TTC34: variants seen among roughly 807,000 people sequenced by gnomAD.
TTC34 encodes tetratricopeptide repeat protein 34.
A neutral mutation model predicts 40.7 loss-of-function variants in TTC34; 44 were observed. The observed-to-expected ratio is 1.08, with a 90% CI of 0.85 to 1.39. The LOEUF (loss-of-function observed/expected upper bound fraction) is 1.39, where lower values mean the gene tolerates loss of function less well. Among genes scored for constraint, TTC34 ranks in the 40% most tolerant of loss-of-function variants. The pLI is 0.00. For synonymous variants in TTC34, 422 were observed against 398.6 expected (o/e 1.06, Z -0.70); for missense variants, 884 against 838.0 (o/e 1.05, Z -0.68).
At chr1:2,788,177 C>A (rs1474821064) in intron 3 of TTC34, among the ~76,000 whole-genome samples, 1 of 152,166 alleles carries the variant, frequency 6.6e-6, no homozygotes, top group Non-Finnish European at 1.5e-5. Flanking sequence ...AATATAAATG[C>A]CATCACATAA....
chr1:2,641,619 C>G, exon 9 of TTC34: 1 of 1,534,352 alleles, frequency 6.5e-7, no homozygotes, highest in Non-Finnish European at 8.7e-7. Flanking sequence ...AAGGCCCCTG[C>G]GGCCGCCGCC....
At chr1:2,750,653 T>A (rs1432995924) in intron 6 of TTC34, among the ~76,000 whole-genome samples, 306 of 79,778 alleles carry the variant, frequency 3.8e-3, no homozygotes, top group Admixed American at 9.9e-3. Context: ...CACCCCCAGG[T>A]GAGCATCTGA....
At chr1:2,757,059 A>AC (rs1641530948) in intron 6 of TTC34, among the ~76,000 whole-genome samples, 1 of 55,936 alleles carries the variant, frequency 1.8e-5, no homozygotes, top group Non-Finnish European at 5.1e-5. Context: ...CTGGAACAGG[A>AC]CCCACACCCC....
intron 6 of TTC34, among the ~76,000 whole-genome samples, chr1:2,695,355 C>A (rs1162976332): frequency 1.2e-4 from 11 of 90,768 alleles, no homozygotes; most frequent in African/African-American, 3.2e-4. Flanking sequence ...AGCTCCCACA[C>A]CCCCAGGTGA....
At chr1:2,637,102 C>T (rs1638809872) in exon 9 of TTC34, 1 of 152,050 alleles carries the variant, frequency 6.6e-6, no homozygotes, top group African/African-American at 2.4e-5. Flanking sequence ...GTGGCTGGGT[C>T]CGGGGCATTT....
chr1:2,769,545 A>T (rs1569761696), intron 6 of TTC34, among the ~76,000 whole-genome samples: 2 of 88,136 alleles, frequency 2.3e-5, no homozygotes, highest in Non-Finnish European at 4.2e-5. Context: ...GCAGCACCCC[A>T]CACCTCCAGG....
intron 6 of TTC34, among the ~76,000 whole-genome samples, chr1:2,690,216 A>AG (rs1640554020): frequency 7.5e-6 from 1 of 133,104 alleles, no homozygotes; most frequent in African/African-American, 2.8e-5. Context: ...AGCAGCACCC[A>AG]CACCCCAGGT....
intron 6 of TTC34, among the ~76,000 whole-genome samples, chr1:2,698,869 TC>T (rs1640992017): frequency 8.0e-6 from 1 of 125,306 alleles, no homozygotes; most frequent in Non-Finnish European, 1.7e-5. Flanking sequence ...GCATCTGACA[TC>T]CTGGAGCAGC....
chr1:2,753,361 G>C (rs1435043822), intron 6 of TTC34, among the ~76,000 whole-genome samples: 2 of 117,130 alleles, frequency 1.7e-5, no homozygotes, highest in Admixed American at 8.7e-5. Context: ...TGACAGCCTA[G>C]AACAGCACCC....
intron 6 of TTC34, among the ~76,000 whole-genome samples, chr1:2,683,224 C>A (rs1197333318): frequency 3.4e-5 from 5 of 146,396 alleles, no homozygotes; most frequent in Non-Finnish European, 7.6e-5. Flanking sequence ...TGGGTCGGCA[C>A]CCACACCCCC....
chr1:2,753,468 C>G (rs1282803845), intron 6 of TTC34, among the ~76,000 whole-genome samples: 2 of 74,718 alleles, frequency 2.7e-5, no homozygotes, highest in Non-Finnish European at 4.7e-5. Context: ...CCCAGGTGTG[C>G]ACGTGACAGC....
chr1:2,658,040 TAG>T (rs1639413886), intron 6 of TTC34, among the ~76,000 whole-genome samples: 1 of 111,042 alleles, frequency 9.0e-6, no homozygotes, highest in Non-Finnish European at 2.2e-5. Context: ...GTGAGCATCG[TAG>T]AGTCTGGAGC....
intron 6 of TTC34, among the ~76,000 whole-genome samples, chr1:2,694,474 A>G: frequency 8.8e-6 from 1 of 113,104 alleles, no homozygotes; most frequent in Non-Finnish European, 1.8e-5. Context: ...CCACAACCCC[A>G]GGCGTGCATC....
chr1:2,750,675 A>T (rs1569690467), intron 6 of TTC34, among the ~76,000 whole-genome samples: 117 of 150,156 alleles, frequency 7.8e-4, no homozygotes, highest in African/African-American at 2.6e-3. Flanking sequence ...AGCCTGGAAC[A>T]GCACCCTGCA....
intron 6 of TTC34, among the ~76,000 whole-genome samples, chr1:2,652,405 C>A (rs1467014865): frequency 4.2e-5 from 6 of 142,570 alleles, no homozygotes; most frequent in African/African-American, 1.5e-4. Flanking sequence ...AGCACGCACA[C>A]CCCCAGTGAG....
chr1:2,687,111 G>A (rs1159749238), intron 6 of TTC34, among the ~76,000 whole-genome samples: 2 of 134,168 alleles, frequency 1.5e-5, no homozygotes, highest in African/African-American at 6.5e-5. Context: ...ACATCGTGGA[G>A]TAGCACCCCA....
intron 6 of TTC34, among the ~76,000 whole-genome samples, chr1:2,685,898 C>A (rs1425859971): frequency 8.9e-5 from 13 of 146,708 alleles, no homozygotes; most frequent in Admixed American, 2.0e-4. Context: ...GAGCATCTGA[C>A]AGCCTGGAAC....
chr1:2,698,804 CA>C (rs1330998556), intron 6 of TTC34, among the ~76,000 whole-genome samples: 1 of 118,346 alleles, frequency 8.4e-6, no homozygotes. Flanking sequence ...AGCAGCACCC[CA>C]CACCCACAGG....
At chr1:2,785,893 C>T (rs754273175) in exon 5 of TTC34, 212 of 1,538,288 alleles carry the variant, frequency 1.4e-4, no homozygotes, top group Non-Finnish European at 1.2e-4. Context: ...CCCGCCTGGC[C>T]GTGCCCGCAG....
Sources: allele counts gnomAD v4.1 joint callset (sites outside exome capture counted in the v4.1 genomes callset), GRCh38; gene constraint gnomAD v4.1.1; transcripts MANE v1.5; gene names NCBI Gene and HGNC (gene_info 2026-07-23, HGNC 2026-07-21).